Variants in CNGA3 observed in about 807,000 individuals in gnomAD.
The protein encoded by CNGA3 is cyclic nucleotide-gated channel alpha-3.
A neutral mutation model predicts 46.6 loss-of-function variants in CNGA3; 42 were observed. That is an observed-to-expected ratio of 0.90 (90% CI 0.70 to 1.17). The LOEUF (loss-of-function observed/expected upper bound fraction) is 1.17. CNGA3 is among the 50% of genes most tolerant of loss of function. The pLI, the probability that CNGA3 is intolerant of heterozygous loss-of-function variation, is 0.00. For synonymous variants in CNGA3, 394 were observed against 369.4 expected (o/e 1.07, Z -0.76); for missense variants, 893 against 890.7 (o/e 1.00, Z -0.03).
Position 98,396,046 on chromosome 2 carries a change from G to A in CNGA3, c.876G>A (p.Glu292=). The change falls in exon 8 of 8, where the codon GAG becomes GAA. Residue 292 remains glutamate, a synonymous_variant. Coordinates refer to ENST00000272602, the MANE Select transcript of CNGA3 (RefSeq NM_001298.3). Reference sequence around the variant, plus strand: ...TCTTTGAATTCTTTGACCGCACAGAGACAAGGACCAACTACCCCAATATGT... The same window carrying A: ...TCTTTGAATTCTTTGACCGCACAGAAACAAGGACCAACTACCCCAATATGT... ...SRLFEFFDRT[E]TRTNYPNMFR... 6.2e-7 allele frequency: 1 copy of A among 1,614,180 alleles called. No individual in the cohort carries two copies. The highest frequency in any genetic ancestry group is 8.5e-7 in the Non-Finnish European group (1 of 1,180,034).
Position 98,377,790 on chromosome 2 carries a change from G to T in CNGA3, c.205G>T (p.Gly69Trp). The T allele has an allele frequency of 6.2e-7, 1 of 1,610,730 alleles. No homozygotes were observed. The highest frequency in any genetic ancestry group is 1.1e-5 in the South Asian group (1 of 90,346). Residue 69 changes from glycine (G) to tryptophan (W), a missense_variant, in exon 3 of 8, where the codon GGG becomes TGG. Gly to Trp is a radical substitution (Grantham distance 184). Around this residue, in one of 3 missense-constraint regions of CNGA3, gnomAD observed 333 missense variants for 290.8 expected, o/e 1.15. Coordinates refer to ENST00000272602, the MANE Select transcript of CNGA3 (RefSeq NM_001298.3). ...DSGQGSFTGQ[G>W]IARLSRLIFL... is the part of the protein sequence containing the mutation. Reference sequence around the variant, plus strand: ...CGGGCAGGGCTCCTTCACCGGCCAGGGGATCGCCAGGTAACTGACCAGCCT... The same window carrying T: ...CGGGCAGGGCTCCTTCACCGGCCAGTGGATCGCCAGGTAACTGACCAGCCT...
At chr2:98,358,732 G>A (rs917457402) in intron 1 of CNGA3, among the ~76,000 whole-genome samples, 11 of 152,028 alleles carry the variant, frequency 7.2e-5, no homozygotes, top group Non-Finnish European at 1.2e-4. Context: ...AACCATTTAT[G>A]ACACTTATGA....
chr2:98,379,994 G>A, intron 3 of CNGA3, 181 bp from the exon 4 acceptor site: 1 of 688,898 alleles, frequency 1.5e-6, no homozygotes, highest in Non-Finnish European at 2.5e-6. Context: ...CCATGGGGCA[G>A]AGATGCAAAC....
rs763400398 is a variant in CNGA3, at chr2:98,369,969, C to T, written c.-7C>T. ...ATCTGGGGGGCTAAATGTGACAAAC[C>T]GAGAAGATGGCCAAGATCAACACCC... On this transcript the variant is annotated 5_prime_UTR_variant, in exon 2 of 8. Coordinates refer to ENST00000272602, the MANE Select transcript of CNGA3 (RefSeq NM_001298.3). The T allele has an allele frequency of 2.2e-5, 35 of 1,611,626 alleles. No individual in the cohort carries two copies. The highest frequency in any genetic ancestry group is 3.3e-5 in the South Asian group (3 of 90,886).
chr2:98,355,787 T>C (rs947894594), intron 1 of CNGA3: 1 of 152,210 alleles, frequency 6.6e-6, no homozygotes, highest in Non-Finnish European at 1.5e-5. Context: ...TATTATTAGA[T>C]GAAAAAATTA....
chr2:98,397,528 A>G lies in CNGA3; in HGVS notation c.*273A>G. 1.9e-6 allele frequency: 1 copy of G among 518,470 alleles called. No homozygotes were observed. The highest frequency in any genetic ancestry group is 2.2e-5 in the South Asian group (1 of 45,676). The allele number at this position is 518,470 out of a possible 1,614,324, so 32.1% of individuals were successfully genotyped here. On this transcript the variant is annotated 3_prime_UTR_variant, in exon 8 of 8. Coordinates refer to ENST00000272602, the MANE Select transcript of CNGA3 (RefSeq NM_001298.3). ...AGTGCAAGGTATCCCCAGTCCAAGT[A>G]TATGAAAACGTGCACACAGGACTCT... is the stretch of plus-strand genomic sequence containing the variant.
Position 98,363,864 on chromosome 2 carries a change from G to A in CNGA3, c.-37-6075G>A, listed in dbSNP as rs187088730. On this transcript the variant is annotated intron_variant, in intron 1 of 7. Transcript: ENST00000272602. ...AATATCCTTGTTAATTTTCTGTCTCGATGATCTGTCTAATATTGACAGTGG... is the reference window on the plus strand; with the variant it reads ...AATATCCTTGTTAATTTTCTGTCTCAATGATCTGTCTAATATTGACAGTGG... 6.5e-3 allele frequency among the ~76,000 whole-genome samples: 992 copies of A among 152,164 alleles called. 4 individuals are homozygous for A. The highest frequency in any genetic ancestry group is 0.017 in the Admixed American group (255 of 15,288).
intron 2 of CNGA3, 122 bp from the exon 3 acceptor site, chr2:98,377,565 T>G: frequency 6.8e-5 from 61 of 892,282 alleles, no homozygotes; most frequent in Non-Finnish European, 9.9e-5. Flanking sequence ...GCCCCTGGGA[T>G]GAGGATCTGT....
At chr2:98,375,849 G>A (rs149388760) in intron 2 of CNGA3, among the ~76,000 whole-genome samples, 9 of 152,024 alleles carry the variant, frequency 5.9e-5, no homozygotes, top group Non-Finnish European at 5.9e-5. Flanking sequence ...TTGGAATCTC[G>A]GCTGTACCAC....
intron 1 of CNGA3, among the ~76,000 whole-genome samples, chr2:98,354,370 C>T (rs558963169): frequency 8.5e-5 from 13 of 152,264 alleles, no homozygotes; most frequent in Non-Finnish European, 1.6e-4. Context: ...AGAATGTTAG[C>T]ATGTGCTTCT....
At chr2:98,394,077 C>G (rs1249008204) in intron 7 of CNGA3, among the ~76,000 whole-genome samples, 15 of 151,800 alleles carry the variant, frequency 9.9e-5, no homozygotes, top group Admixed American at 9.9e-4. Flanking sequence ...CCCCAACTTC[C>G]GGGAGCCAAC....
At chr2:98,389,633 T>A in intron 5 of CNGA3, 25 bp from the exon 6 acceptor site, 2 of 1,594,112 alleles carry the variant, frequency 1.3e-6, no homozygotes, top group Non-Finnish European at 1.7e-6. Flanking sequence ...CACAGTGCGC[T>A]GTTTGTGTAT....
At chr2:98,376,099 G>A (rs1310621385) in intron 2 of CNGA3, among the ~76,000 whole-genome samples, 1 of 152,070 alleles carries the variant, frequency 6.6e-6, no homozygotes, top group Non-Finnish European at 1.5e-5. Flanking sequence ...CAGTGGGAAG[G>A]TCCAATACTT....
At chr2:98,374,010 G>T (rs1028582870) in intron 2 of CNGA3, among the ~76,000 whole-genome samples, 1 of 152,216 alleles carries the variant, frequency 6.6e-6, no homozygotes, top group Non-Finnish European at 1.5e-5. Context: ...ATAGCAGTGG[G>T]TTCCAATCAT....
At chr2:98,392,666 A>G (rs1022235870) in intron 7 of CNGA3, among the ~76,000 whole-genome samples, 1 of 152,130 alleles carries the variant, frequency 6.6e-6, no homozygotes, top group Admixed American at 6.5e-5. Flanking sequence ...ACTACTCGAC[A>G]CTGGGGTAAG....
intron 2 of CNGA3, among the ~76,000 whole-genome samples, chr2:98,375,791 G>A (rs759824121): frequency 1.5e-4 from 23 of 152,054 alleles, no homozygotes; most frequent in Non-Finnish European, 2.5e-4. Flanking sequence ...ATACAGGGCA[G>A]CTTCATGGAG....
At chr2:98,349,591 G>A (rs894947437) in intron 1 of CNGA3, among the ~76,000 whole-genome samples, 7 of 152,204 alleles carry the variant, frequency 4.6e-5, no homozygotes, top group Non-Finnish European at 1.0e-4. Context: ...GATGGGAGAT[G>A]AGCAAAGATA....
rs2104248132 is a variant in CNGA3 at position 98,396,548 on chromosome 2, CT to C, written c.1379del (p.Leu460ProfsTer5). 1 of 1,614,026 alleles carries C rather than the reference CT, an allele frequency of 6.2e-7. No individual in the cohort carries two copies. The highest frequency in any genetic ancestry group is 8.5e-7 in the Non-Finnish European group (1 of 1,179,992). On this transcript the variant is annotated frameshift_variant, in exon 8 of 8. Transcript: ENST00000272602. LOFTEE classifies it high-confidence loss of function. ...TVDEKEVLKS[L>X]PDKLKAEIAI... ...GGATGAGAAGGAGGTGCTCAAGAGC[CT>C]CCCAGACAAGCTGAAGGCTGAGATC...
intron 7 of CNGA3, 28 bp from the exon 8 acceptor site, chr2:98,395,816 G>A (rs1292858229): frequency 1.2e-6 from 2 of 1,608,330 alleles, no homozygotes; most frequent in African/African-American, 2.7e-5. Flanking sequence ...CCTCTGTGAT[G>A]CCCAATGACC....
Sources: allele counts gnomAD v4.1 joint callset (sites outside exome capture counted in the v4.1 genomes callset), GRCh38; gene constraint gnomAD v4.1.1; regional missense constraint gnomAD v4.1.1; transcripts MANE v1.5; gene names NCBI Gene and HGNC (gene_info 2026-07-23, HGNC 2026-07-21).